The following ADAMTS14 variants were observed in gnomAD, a reference collection of about 807,000 sequenced individuals.
ADAMTS14 encodes A disintegrin and metalloproteinase with thrombospondin motifs 14.
Under a neutral mutation model 128.6 loss-of-function variants are expected in ADAMTS14, and 100 were observed. The ratio of observed to expected loss-of-function variants is 0.78; its 90% CI spans 0.66 to 0.92. ADAMTS14 has a LOEUF of 0.92. Among genes scored for constraint, ADAMTS14 ranks in the 40% least tolerant of loss-of-function variants. The pLI is 0.00. For missense variants in ADAMTS14, 1,562 were observed against 1,658.6 expected, an observed-to-expected ratio of 0.94 and a Z score of 1.01; for synonymous variants, 665 against 653.8, an observed-to-expected ratio of 1.02 and a Z score of -0.26.
At chr10:70,719,539 C>T (rs1057321132) in intron 4 of ADAMTS14, among the ~76,000 whole-genome samples, 1 of 151,726 alleles carries the variant, frequency 6.6e-6, no homozygotes, top group African/African-American at 2.4e-5. Flanking sequence ...GTAGCTGGGA[C>T]TATAGGCATG....
At chr10:70,694,955 C>T (rs1353858445) in intron 2 of ADAMTS14, among the ~76,000 whole-genome samples, 3 of 152,254 alleles carry the variant, frequency 2.0e-5, no homozygotes, top group Non-Finnish European at 4.4e-5. Flanking sequence ...ATTGCCAGAC[C>T]GTTTTCAAAG....
chr10:70,743,814 C>G, intron 13 of ADAMTS14, 133 bp downstream of exon 13: 1 of 1,341,376 alleles, frequency 7.5e-7, no homozygotes, highest in Non-Finnish European at 9.9e-7. Flanking sequence ...CTCAGCATAG[C>G]CCTGGGGTGC....
chr10:70,701,825 T>G (rs1017855100), intron 2 of ADAMTS14, among the ~76,000 whole-genome samples: 15 of 152,144 alleles, frequency 9.9e-5, no homozygotes, highest in African/African-American at 3.4e-4. Flanking sequence ...TAACAGCGCT[T>G]CATATTGGAG....
intron 18 of ADAMTS14, among the ~76,000 whole-genome samples, chr10:70,753,471 TA>T (rs1420243895): frequency 2.0e-5 from 3 of 152,232 alleles, no homozygotes; most frequent in African/African-American, 7.2e-5. Flanking sequence ...CTCAAATATG[TA>T]TGCGGCTTTG....
At chr10:70,742,917 T>C (rs903998106) in intron 12 of ADAMTS14, among the ~76,000 whole-genome samples, 1 of 152,232 alleles carries the variant, frequency 6.6e-6, no homozygotes, top group Non-Finnish European at 1.5e-5. Flanking sequence ...AGACCACTTT[T>C]CTGCCTTTTT....
intron 2 of ADAMTS14, among the ~76,000 whole-genome samples, chr10:70,699,536 T>A (rs540586518): frequency 6.6e-6 from 1 of 152,196 alleles, no homozygotes; most frequent in African/African-American, 2.4e-5. Flanking sequence ...GGGGAGGTTG[T>A]CAAAGTATAA....
chr10:70,747,828 G>A (rs772513493), intron 15 of ADAMTS14, among the ~76,000 whole-genome samples: 1 of 152,184 alleles, frequency 6.6e-6, no homozygotes, highest in Non-Finnish European at 1.5e-5. Flanking sequence ...ATACAGGTGT[G>A]AGGTGCACAG....
At chr10:70,751,790 G>T in intron 17 of ADAMTS14, 144 bp downstream of exon 17, 3 of 1,191,974 alleles carry the variant, frequency 2.5e-6, no homozygotes, top group Non-Finnish European at 3.5e-6. Flanking sequence ...GTGTGTGGAA[G>T]CCCGTTTTGG....
chr10:70,735,107 G>A lies in ADAMTS14; in HGVS notation c.1353-62G>A, dbSNP rs535469551. The A allele has an allele frequency of 1.1e-4, 175 of 1,569,020 alleles. 3 individuals carry two copies. In the South Asian group the frequency reaches 2.0e-3, roughly 18 times the overall value. ...TGCTCATGAAAACCCCAGCCCCTGG[G>A]AAGGGAAAGCCTGGGACTTCCTGCT... On this transcript the variant is annotated intron_variant, in intron 8 of 21. Transcript: ENST00000373207.
chr10:70,749,832 C>T lies in ADAMTS14; in HGVS notation c.2274C>T (p.Asn758=), dbSNP rs1012883509. 3.1e-6 allele frequency: 5 copies of T among 1,613,866 alleles called. No individual in the cohort carries two copies. The highest frequency in any genetic ancestry group is 4.2e-6 in the Non-Finnish European group (5 of 1,179,964). ...CCCCCCACCGGTCAGTGGTGAAGAACCAGGTCACCGGCAGCTTCATCCTCA... is the reference window on the plus strand; with the variant it reads ...CCCCCCACCGGTCAGTGGTGAAGAATCAGGTCACCGGCAGCTTCATCCTCA... ...EKSPHRIVVK[N]QVTGSFILNP... Residue 758 remains asparagine, a synonymous_variant, in exon 16 of 22, where the codon AAC becomes AAT. Coordinates refer to ENST00000373207, the MANE Select transcript of ADAMTS14 (RefSeq NM_080722.4).
chr10:70,743,517 TG>T, intron 12 of ADAMTS14, 30 bp from the exon 13 acceptor site: 1 of 1,602,520 alleles, frequency 6.2e-7, no homozygotes, highest in Non-Finnish European at 8.5e-7. Context: ...TGAGCCCAGC[TG>T]GGGACTCAGC....
chr10:70,725,909 AG>A (rs1841412385), intron 4 of ADAMTS14, among the ~76,000 whole-genome samples: 1 of 151,838 alleles, frequency 6.6e-6, no homozygotes, highest in African/African-American at 2.4e-5. Context: ...TCCTCCACTG[AG>A]ACTTCCCTGA....
chr10:70,704,941 G>T (rs1840613903), intron 3 of ADAMTS14, among the ~76,000 whole-genome samples: 1 of 151,120 alleles, frequency 6.6e-6, no homozygotes, highest in African/African-American at 2.4e-5. Context: ...CACACATACA[G>T]ACCCCTCTAT....
At position 70,672,816 on chromosome 10, in the gene ADAMTS14, G is replaced by T; in HGVS notation, c.14G>T (p.Arg5Leu). Residue 5 changes from arginine (R) to leucine (L), a missense_variant, in exon 1 of 22, where the codon CGC (arginine) becomes CTC (leucine). Transcript: ENST00000373207. MAPL[R>L]ALLSYLLPLH... ...CAGCGCGGCCACATGGCTCCACTCC[G>T]CGCGCTGCTGTCCTACCTGCTGCCT... 34 of 1,511,584 alleles carry T rather than the reference G, an allele frequency of 2.2e-5. No individual in the cohort carries two copies. The highest frequency in any genetic ancestry group is 3.0e-5 in the Non-Finnish European group (34 of 1,134,126). 93.6% of individuals were successfully genotyped at this position (1,511,584 alleles called of 1,614,324 possible).
At chr10:70,745,606 T>G in intron 15 of ADAMTS14, 16 of 415,366 alleles carry the variant, frequency 3.9e-5, no homozygotes, top group Non-Finnish European at 5.0e-5. Context: ...CTTGTGCACA[T>G]AGATGGCTGT....
At chr10:70,704,312 C>G (rs1195343568) in intron 3 of ADAMTS14, among the ~76,000 whole-genome samples, 1 of 152,028 alleles carries the variant, frequency 6.6e-6, no homozygotes, top group Non-Finnish European at 1.5e-5. Flanking sequence ...GCTGCTGCTT[C>G]CTGAAAAGGG....
chr10:70,714,915 C>T, intron 4 of ADAMTS14, among the ~76,000 whole-genome samples: 1 of 137,426 alleles, frequency 7.3e-6, no homozygotes, highest in East Asian at 2.1e-4. Context: ...CATTGCACTC[C>T]AGCCTGGGCC....
intron 18 of ADAMTS14, among the ~76,000 whole-genome samples, chr10:70,753,060 G>A (rs1456038466): frequency 1.3e-5 from 2 of 152,216 alleles, no homozygotes; most frequent in East Asian, 3.8e-4. Context: ...GTTCCTGGCC[G>A]GTATCCCCCA....
chr10:70,753,141 C>G (rs1050902943), intron 18 of ADAMTS14, among the ~76,000 whole-genome samples: 9 of 152,210 alleles, frequency 5.9e-5, no homozygotes, highest in Admixed American at 1.3e-4. Context: ...CTAAAAGATG[C>G]CTTGGGAACC....
Sources: allele counts gnomAD v4.1 joint callset (sites outside exome capture counted in the v4.1 genomes callset), GRCh38; gene constraint gnomAD v4.1.1; transcripts MANE v1.5; gene names NCBI Gene and HGNC (gene_info 2026-07-23, HGNC 2026-07-21).